The following KCNH1 variants were observed in gnomAD, a reference collection of about 807,000 sequenced individuals.
The protein encoded by KCNH1 is voltage-gated delayed rectifier potassium channel KCNH1.
In KCNH1, 27 loss-of-function variants were observed where a neutral mutation model predicts 69.2. That is an observed-to-expected ratio of 0.39 (90% CI 0.29 to 0.54). The LOEUF is 0.54. KCNH1 is among the 20% of genes least tolerant of loss of function. KCNH1 has a pLI of 0.68. For missense variants in KCNH1, 798 were observed against 1,261.6 expected (o/e 0.63, Z 5.57); for synonymous variants, 456 against 487.7 (o/e 0.93, Z 0.86).
In KCNH1 at chr1:210,949,328, T is replaced by C. The variant is rs535872543; in HGVS notation, c.1033-29259A>G. 2.1e-4 allele frequency among the ~76,000 whole-genome samples: 32 copies of C among 152,288 alleles called. No homozygotes were observed. The South Asian group carries it at 6.4e-3, about 31-fold the overall frequency. On this transcript the variant is annotated intron_variant, in intron 6 of 10. Coordinates refer to ENST00000271751, the MANE Select transcript of KCNH1 (RefSeq NM_172362.3). ...ACACATCTTGCTTATTCCTCAGCTT[T>C]GGCATTTCAAGTTCCTTTCCGATGT... is the stretch of plus-strand genomic sequence containing the variant.
intron 6 of KCNH1, among the ~76,000 whole-genome samples, chr1:210,920,667 T>A: frequency 6.6e-6 from 1 of 151,494 alleles, no homozygotes; most frequent in East Asian, 1.9e-4. Flanking sequence ...ATTAAAAAAA[T>A]AAGTTTATAA....
At chr1:210,698,184 A>C (rs1681686729) in intron 10 of KCNH1, among the ~76,000 whole-genome samples, 1 of 152,202 alleles carries the variant, frequency 6.6e-6, no homozygotes, top group African/African-American at 2.4e-5. Context: ...TTCCACACCT[A>C]TAAGCTACCC....
intron 10 of KCNH1, among the ~76,000 whole-genome samples, chr1:210,734,696 G>T (rs1280738451): frequency 1.3e-5 from 2 of 151,940 alleles, no homozygotes; most frequent in Non-Finnish European, 2.9e-5. Flanking sequence ...ACCCCCCTTG[G>T]CAGCAGGAGA....
chr1:211,049,643 C>T (rs1327611827), intron 5 of KCNH1, among the ~76,000 whole-genome samples: 1 of 152,146 alleles, frequency 6.6e-6, no homozygotes, highest in Non-Finnish European at 1.5e-5. Context: ...ATGAAGGTAA[C>T]TGGGCAGCAG....
chr1:210,854,194 A>G (rs765449936), intron 7 of KCNH1, among the ~76,000 whole-genome samples: 5 of 152,168 alleles, frequency 3.3e-5, no homozygotes, highest in Non-Finnish European at 7.4e-5. Context: ...ATCTTGTTTT[A>G]TACAATAATG....
chr1:210,908,423 T>C (rs746537744), intron 7 of KCNH1, among the ~76,000 whole-genome samples: 2 of 152,128 alleles, frequency 1.3e-5, no homozygotes, highest in Admixed American at 1.3e-4. Flanking sequence ...CTCAATATAA[T>C]TAAACACCTG....
chr1:211,118,432 C>G (rs187178664), intron 1 of KCNH1, among the ~76,000 whole-genome samples: 1 of 152,290 alleles, frequency 6.6e-6, no homozygotes, highest in East Asian at 1.9e-4. Flanking sequence ...TCTGAAAGTT[C>G]CCCTGCGTCC....
chr1:210,809,622 G>C (rs1684657264), intron 7 of KCNH1, among the ~76,000 whole-genome samples: 1 of 152,134 alleles, frequency 6.6e-6, no homozygotes, highest in Non-Finnish European at 1.5e-5. Flanking sequence ...TTTTAAAGCA[G>C]AGTACATGAA....
rs187885592 is a variant in KCNH1, at chr1:210,765,383, C to T, written c.2112+9965G>A. ...CCATGTAACAAACCTGCACACATAC[C>T]CCCAGAATCTAAAATTTAATAAAAC... is the stretch of plus-strand genomic sequence containing the variant. On this transcript the variant is annotated intron_variant, in intron 10 of 10. Coordinates refer to ENST00000271751, the MANE Select transcript of KCNH1 (RefSeq NM_172362.3). 5.7e-3 allele frequency among the ~76,000 whole-genome samples: 868 copies of T among 152,156 alleles called. 3 individuals are homozygous for T. Among genetic ancestry groups the T allele is most frequent in the Middle Eastern group, 0.014 (4 of 294 alleles).
intron 6 of KCNH1, among the ~76,000 whole-genome samples, chr1:210,966,873 C>T (rs147813708): frequency 0.018 from 2,771 of 152,202 alleles, 60 homozygotes; most frequent in South Asian, 0.093. Flanking sequence ...TGGGTACATA[C>T]CCAAAGGATT....
chr1:210,973,202 T>C (rs1271559967), intron 6 of KCNH1, among the ~76,000 whole-genome samples: 2 of 152,170 alleles, frequency 1.3e-5, no homozygotes, highest in East Asian at 1.9e-4. Flanking sequence ...GCACTTCAAA[T>C]TCAACATATC....
At chr1:211,049,950 ACTTTCT>A in intron 5 of KCNH1, among the ~76,000 whole-genome samples, 1 of 152,048 alleles carries the variant, frequency 6.6e-6, no homozygotes, top group East Asian at 1.9e-4. Flanking sequence ...AACACAGAGA[ACTTTCT>A]CTTTGACACT....
intron 10 of KCNH1, among the ~76,000 whole-genome samples, chr1:210,735,421 AGT>A (rs71146244): frequency 0.082 from 10,791 of 131,746 alleles, 407 homozygotes; most frequent in Middle Eastern, 0.12. Context: ...TGAGTGAGTG[AGT>A]GTGTGTGTGT....
intron 5 of KCNH1, among the ~76,000 whole-genome samples, chr1:211,080,696 T>C (rs1279828143): frequency 6.6e-6 from 1 of 152,120 alleles, no homozygotes; most frequent in Admixed American, 6.5e-5. Flanking sequence ...TTGACAAACC[T>C]GACAAAAACA....
chr1:211,057,607 C>T lies in KCNH1; in HGVS notation c.558+25173G>A, dbSNP rs371305700. ...TGAGCCATGATTGTGCCACTGCACT[C>T]TAGCCTGGGTGGCAGAGAAAGACCC... On this transcript the variant is annotated intron_variant, in intron 5 of 10. Transcript: ENST00000271751. 2.4e-4 allele frequency among the ~76,000 whole-genome samples: 36 copies of T among 151,950 alleles called. No homozygotes were observed. The East Asian group carries it at 6.4e-3, about 27-fold the overall frequency.
intron 6 of KCNH1, among the ~76,000 whole-genome samples, chr1:210,941,417 G>A (rs1170690528): frequency 6.6e-6 from 1 of 152,172 alleles, no homozygotes; most frequent in Admixed American, 6.5e-5. Context: ...GGGGCAAGGA[G>A]GCAAGGTTTT....
intron 5 of KCNH1, among the ~76,000 whole-genome samples, chr1:211,058,530 C>T (rs1339044604): frequency 6.6e-6 from 1 of 152,056 alleles, no homozygotes; most frequent in East Asian, 1.9e-4. Context: ...ATTAAGTTGT[C>T]ATCAACTTAA....
intron 10 of KCNH1, among the ~76,000 whole-genome samples, chr1:210,701,689 C>T (rs1363315792): frequency 6.6e-6 from 1 of 151,918 alleles, no homozygotes; most frequent in African/African-American, 2.4e-5. Context: ...ATTTATTTCA[C>T]ATATTTGAAT....
At chr1:210,926,859 G>T (rs1687585096) in intron 6 of KCNH1, among the ~76,000 whole-genome samples, 2 of 152,014 alleles carry the variant, frequency 1.3e-5, no homozygotes, top group Non-Finnish European at 2.9e-5. Flanking sequence ...GAAATAGATA[G>T]CATAAATTAA....
Sources: allele counts gnomAD v4.1 joint callset (sites outside exome capture counted in the v4.1 genomes callset), GRCh38; gene constraint gnomAD v4.1.1; transcripts MANE v1.5; gene names NCBI Gene and HGNC (gene_info 2026-07-23, HGNC 2026-07-21).